Variants in GRID2 observed in about 807,000 individuals in gnomAD.
GRID2 encodes the protein glutamate receptor ionotropic, delta-2.
GRID2 carries 33 observed loss-of-function variants against 114.8 expected under a neutral mutation model. The ratio of observed to expected loss-of-function variants is 0.29; its 90% CI spans 0.22 to 0.38. The LOEUF (loss-of-function observed/expected upper bound fraction) is 0.38, where lower values mean the gene tolerates loss of function less well. GRID2 is among the 10% of genes least tolerant of loss of function. GRID2 has a pLI of 1.00. For missense variants in GRID2, 1,184 were observed against 1,257.7 expected (o/e 0.94, Z 0.89); for synonymous variants, 505 against 449.9 (o/e 1.12, Z -1.55).
chr4:93,790,359 A>G (rs1187096322), intron 1 of GRID2, among the ~76,000 whole-genome samples: 2 of 152,184 alleles, frequency 1.3e-5, no homozygotes, highest in African/African-American at 4.8e-5. Flanking sequence ...ATCTACAATG[A>G]TTACTTAGAA....
chr4:92,779,196 GTGTGTGTGTGTGTA>G (rs1213839230), intron 2 of GRID2, among the ~76,000 whole-genome samples: 1 of 150,434 alleles, frequency 6.6e-6, no homozygotes, highest in African/African-American at 2.4e-5. Context: ...ATGTGTGTGT[GTGTGTGTGTGTGTA>G]TGTGTGTGTG....
At chr4:93,792,320 T>C (rs943220345) in intron 1 of GRID2, among the ~76,000 whole-genome samples, 7 of 152,126 alleles carry the variant, frequency 4.6e-5, no homozygotes, top group African/African-American at 1.7e-4. Context: ...GAGGCTAGTT[T>C]GGCAACATAC....
chr4:92,441,666 A>G (rs1322478816), intron 1 of GRID2, among the ~76,000 whole-genome samples: 3 of 152,138 alleles, frequency 2.0e-5, no homozygotes, highest in African/African-American at 7.2e-5. Flanking sequence ...CAGGCGAGTG[A>G]TAACAGGCTT....
chr4:93,250,651 TA>T (rs1484248489), intron 8 of GRID2, among the ~76,000 whole-genome samples: 5 of 143,664 alleles, frequency 3.5e-5, no homozygotes, highest in African/African-American at 1.1e-4. Context: ...TATATATATA[TA>T]TATTTTATAT....
At chr4:92,804,717 A>T (rs1740332516) in intron 2 of GRID2, among the ~76,000 whole-genome samples, 2 of 152,036 alleles carry the variant, frequency 1.3e-5, no homozygotes, top group Non-Finnish European at 1.5e-5. Context: ...TAACTTAATT[A>T]ATTCACCAAG....
chr4:93,110,935 C>A lies in GRID2; in HGVS notation c.717C>A (p.Ala239=). The A allele has an allele frequency of 6.2e-7, 1 of 1,607,466 alleles. No homozygotes were observed. The highest frequency in any genetic ancestry group is 8.5e-7 in the Non-Finnish European group (1 of 1,173,954). The change falls in exon 4 of 16, where the codon GCC becomes GCA. Residue 239 remains alanine (A), a synonymous_variant. Transcript: ENST00000282020. Reference sequence around the variant, plus strand: ...TCCTTGTTATGAATCCTGCTACAGCCAAATCCTTCATTACTGAGGTAAGTG... The same window carrying A: ...TCCTTGTTATGAATCCTGCTACAGCAAAATCCTTCATTACTGAGGTAAGTG... The part of the protein sequence containing the change: ...RAILVMNPAT[A]KSFITEVVET...
intron 14 of GRID2, among the ~76,000 whole-genome samples, chr4:93,761,021 A>C (rs1370441789): frequency 6.6e-6 from 1 of 152,160 alleles, no homozygotes; most frequent in Non-Finnish European, 1.5e-5. Context: ...ATATTTTACA[A>C]TATAATCAGA....
chr4:93,060,325 C>G (rs1727663604), intron 2 of GRID2, among the ~76,000 whole-genome samples: 1 of 152,116 alleles, frequency 6.6e-6, no homozygotes, highest in South Asian at 2.1e-4. Flanking sequence ...AGGAAATATT[C>G]TCCTCCGGGT....
chr4:93,509,903 T>C (rs911032337), intron 12 of GRID2, among the ~76,000 whole-genome samples: 1 of 152,194 alleles, frequency 6.6e-6, no homozygotes, highest in African/African-American at 2.4e-5. Context: ...AGCTCTCAGC[T>C]GCTACAACCA....
intron 4 of GRID2, among the ~76,000 whole-genome samples, chr4:93,183,868 A>G (rs1276640464): frequency 2.0e-5 from 3 of 152,200 alleles, no homozygotes; most frequent in Non-Finnish European, 2.9e-5. Context: ...GTAAGAAACA[A>G]GGGAGGTAAA....
At chr4:93,023,831 A>T (rs1480535559) in intron 2 of GRID2, among the ~76,000 whole-genome samples, 1 of 151,846 alleles carries the variant, frequency 6.6e-6, no homozygotes, top group Non-Finnish European at 1.5e-5. Context: ...ACATTATTCT[A>T]AACAAAGAAA....
At chr4:92,634,898 A>AGAGT in intron 2 of GRID2, among the ~76,000 whole-genome samples, 1 of 151,566 alleles carries the variant, frequency 6.6e-6, no homozygotes, top group African/African-American at 2.4e-5. Context: ...AGAGAGAGAG[A>AGAGT]AATTGAGAGA....
rs530022424 is a variant in GRID2 at position 93,514,730 on chromosome 4, A to G, written c.1998-486A>G. 1.6e-3 allele frequency among the ~76,000 whole-genome samples: 241 copies of G among 152,296 alleles called. 2 individuals are homozygous for G. The highest frequency in any genetic ancestry group is 5.6e-3 in the African/African-American group (231 of 41,572). ...GTGTATTCAATAAATAATGACTATCATAACTACTAATTTTTAAGACTACAT... is the reference window on the plus strand; with the variant it reads ...GTGTATTCAATAAATAATGACTATCGTAACTACTAATTTTTAAGACTACAT... On this transcript the variant is annotated intron_variant, in intron 12 of 15. Transcript: ENST00000282020.
chr4:92,370,021 A>C (rs1418813703), intron 1 of GRID2, among the ~76,000 whole-genome samples: 1 of 152,118 alleles, frequency 6.6e-6, no homozygotes, highest in Non-Finnish European at 1.5e-5. Flanking sequence ...TGTTTTTTTC[A>C]AATTGAAAGT....
intron 1 of GRID2, among the ~76,000 whole-genome samples, chr4:92,443,165 G>C (rs1330965253): frequency 6.6e-6 from 1 of 151,996 alleles, no homozygotes; most frequent in African/African-American, 2.4e-5. Flanking sequence ...GACTAGGAAG[G>C]GACTGATGTG....
chr4:93,126,596 T>TTC (rs1734286477), intron 4 of GRID2, among the ~76,000 whole-genome samples: 1 of 118,692 alleles, frequency 8.4e-6, no homozygotes, highest in East Asian at 2.4e-4. Flanking sequence ...TTTTTTTTTT[T>TTC]TTTTTTTTTT....
At position 93,084,984 on chromosome 4, in the gene GRID2, C is replaced by T. The variant is rs765537321; in HGVS notation, c.245-11C>T. On this transcript the variant is annotated splice_polypyrimidine_tract_variant and intron_variant, in intron 2 of 15. Coordinates refer to ENST00000282020, the MANE Select transcript of GRID2 (RefSeq NM_001510.4). The stretch of plus-strand genomic sequence containing the variant: ...CACTGACATTTTGAATATTACTGTG[C>T]TTTCTTGCAGCCTGTGAACTTATGA... 4 of 1,610,338 alleles carry T rather than the reference C, an allele frequency of 2.5e-6. No homozygotes were observed. The highest frequency in any genetic ancestry group is 2.2e-5 in the East Asian group (1 of 44,784).
In GRID2 at chr4:93,695,791, C is replaced by G. The variant is rs74617029; in HGVS notation, c.2360+69356C>G. On this transcript the variant is annotated intron_variant, in intron 14 of 15. Transcript: ENST00000282020. ...TCTTAGCCATGTGGCTTCTACAAGT[C>G]ACTTAGCCTCTCTAAGCCGCTCAAC... 7.7e-3 allele frequency among the ~76,000 whole-genome samples: 1,178 copies of G among 152,336 alleles called. 5 individuals carry two copies. Among genetic ancestry groups the G allele is most frequent in the Non-Finnish European group, 0.014 (950 of 68,024 alleles).
intron 8 of GRID2, among the ~76,000 whole-genome samples, chr4:93,283,104 T>C (rs1752815619): frequency 1.3e-5 from 2 of 152,058 alleles, no homozygotes; most frequent in South Asian, 2.1e-4. Context: ...AACCATATCA[T>C]ACCCAAAGCA....
Sources: gnomAD v4.1 joint callset for allele counts (sites outside exome capture counted in the v4.1 genomes callset) on GRCh38, gnomAD v4.1.1 for gene constraint, MANE v1.5 for transcripts, NCBI Gene and HGNC (gene_info 2026-07-23, HGNC 2026-07-21) for gene names.